The following COL5A2 variants were observed in gnomAD, a reference collection of about 807,000 sequenced individuals.
COL5A2 encodes the protein collagen alpha-2(V) chain.
In COL5A2, 23 loss-of-function variants were observed where a neutral mutation model predicts 208.2. That is an observed-to-expected ratio of 0.11 (90% CI 0.08 to 0.16). The LOEUF is 0.16. COL5A2 is among the 10% of genes least tolerant of loss of function. The pLI, the probability that COL5A2 is intolerant of heterozygous loss-of-function variation, is 1.00. For synonymous variants in COL5A2, 625 were observed against 628.5 expected, an observed-to-expected ratio of 0.99 and a Z score of 0.08; for missense variants, 1,590 against 1,956.4, an observed-to-expected ratio of 0.81 and a Z score of 3.53.
At chr2:189,248,072 C>T in the COL5A2 span, among the ~76,000 whole-genome samples, 2 of 152,160 alleles carry the variant, frequency 1.3e-5, no homozygotes, top group South Asian at 4.1e-4. Context: ...TTAAGCTACA[C>T]ATTTTAAAAA....
the COL5A2 span, among the ~76,000 whole-genome samples, chr2:189,313,607 G>T: frequency 6.6e-6 from 1 of 152,114 alleles, no homozygotes; most frequent in Non-Finnish European, 1.5e-5. Flanking sequence ...AACCTTAAAT[G>T]TAAATAGGAT....
intron 40 of COL5A2, 67 bp from the exon 41 acceptor site, chr2:189,052,292 G>T (rs566237611): frequency 2.7e-6 from 4 of 1,487,584 alleles, no homozygotes; most frequent in South Asian, 2.3e-5. Context: ...ATTTTCCTGG[G>T]ATTTTTTTTC....
the COL5A2 span, among the ~76,000 whole-genome samples, chr2:189,431,048 C>G: frequency 6.6e-6 from 1 of 152,208 alleles, no homozygotes; most frequent in Non-Finnish European, 1.5e-5. Context: ...GATACCCAGG[C>G]AAACAGGGTC....
rs186207669 is a variant in COL5A2, at chr2:189,134,280, G to A, written c.98-23831C>T. The stretch of plus-strand genomic sequence containing the variant: ...AATATAACCTTTTGGCAATTTGCTA[G>A]ACTCTATTTTTAAAGTACATCATTA... On this transcript the variant is annotated intron_variant, in intron 1 of 53. Transcript: ENST00000374866. Among the ~76,000 whole-genome samples the A allele has an allele frequency of 2.7e-3, 416 of 152,262 alleles. 2 individuals carry two copies. Among genetic ancestry groups the A allele is most frequent in the African/African-American group, 9.3e-3 (388 of 41,566 alleles).
At chr2:189,207,891 T>G (rs1689160814) in intron 1 of COL5A2, among the ~76,000 whole-genome samples, 1 of 152,228 alleles carries the variant, frequency 6.6e-6, no homozygotes, top group Admixed American at 6.5e-5. Flanking sequence ...CTCTTGTTTC[T>G]GATCGCTACT....
At chr2:189,228,986 A>G (rs1248725474), upstream of COL5A2, among the ~76,000 whole-genome samples, 2 of 152,040 alleles carry the variant, frequency 1.3e-5, no homozygotes, top group East Asian at 1.9e-4. Context: ...TATCCCTGGG[A>G]TGCAAGGATG....
chr2:189,395,594 T>A, the COL5A2 span, among the ~76,000 whole-genome samples: 4 of 152,156 alleles, frequency 2.6e-5, no homozygotes, highest in East Asian at 7.7e-4. Context: ...AAATATATTA[T>A]AAAAGCCATT....
chr2:189,342,513 A>ATAATATATATG, the COL5A2 span, among the ~76,000 whole-genome samples: 11 of 148,750 alleles, frequency 7.4e-5, no homozygotes, highest in East Asian at 3.9e-4. Flanking sequence ...ATATATACAT[A>ATAATATATATG]TATATAAACC....
Position 189,092,292 on chromosome 2 carries a change from A to G in COL5A2, c.567+18T>C. On this transcript the variant is annotated intron_variant, in intron 7 of 53. Coordinates refer to ENST00000374866, the MANE Select transcript of COL5A2 (RefSeq NM_000393.5). ...AAACATGACCTGTACGTGACATCAA[A>G]CAATGCACACAACTCACCCTGCTCA... The G allele has an allele frequency of 1.3e-6, 2 of 1,483,944 alleles. No individual in the cohort carries two copies. The highest frequency in any genetic ancestry group is 1.2e-5 in the South Asian group (1 of 85,386). 91.9% of individuals were successfully genotyped at this position (1,483,944 alleles called of 1,614,324 possible).
intron 1 of COL5A2, among the ~76,000 whole-genome samples, chr2:189,146,305 A>T (rs1688039241): frequency 6.6e-6 from 1 of 152,164 alleles, no homozygotes; most frequent in African/African-American, 2.4e-5. Context: ...CTACAGGGAC[A>T]CTATTTAAGC....
At chr2:189,345,903 A>C in the COL5A2 span, among the ~76,000 whole-genome samples, 1 of 152,192 alleles carries the variant, frequency 6.6e-6, no homozygotes, top group Non-Finnish European at 1.5e-5. Flanking sequence ...ATTACATTAC[A>C]TTACTCCATA....
rs1329742266 is a variant in COL5A2, at chr2:189,039,142, C to T, written c.3925+130G>A. The T allele has an allele frequency of 6.9e-6, 8 of 1,164,410 alleles. No homozygotes were observed. In the Admixed American group the frequency reaches 1.2e-4, roughly 18 times the overall value. The allele number at this position is 1,164,410 out of a possible 1,614,324, so 72.1% of individuals were successfully genotyped here. On this transcript the variant is annotated intron_variant, in intron 51 of 53. Transcript: ENST00000374866. ...GTTTCCACCATTAAATTATAAGCTCCATGATATGTTTACTATTTTTATCTC... is the reference window on the plus strand; with the variant it reads ...GTTTCCACCATTAAATTATAAGCTCTATGATATGTTTACTATTTTTATCTC...
At chr2:189,293,854 G>A in the COL5A2 span, among the ~76,000 whole-genome samples, 139 of 152,290 alleles carry the variant, frequency 9.1e-4, 1 homozygote, top group African/African-American at 3.2e-3. Context: ...GGGAGGCCAA[G>A]GCGGGCACAT....
chr2:189,434,562 C>A, the COL5A2 span, among the ~76,000 whole-genome samples: 37 of 152,182 alleles, frequency 2.4e-4, no homozygotes, highest in Admixed American at 3.9e-4. Context: ...ATCATGAGTG[C>A]ACTCCCATTC....
chr2:189,161,477 T>C (rs888411639), intron 1 of COL5A2, among the ~76,000 whole-genome samples: 2 of 152,212 alleles, frequency 1.3e-5, no homozygotes, highest in South Asian at 2.1e-4. Context: ...CATATTTTTA[T>C]AAGGCTTTGG....
At chr2:189,034,518 C>T (rs1371680650) in intron 53 of COL5A2, among the ~76,000 whole-genome samples, 4 of 152,024 alleles carry the variant, frequency 2.6e-5, no homozygotes, top group Admixed American at 6.6e-5. Flanking sequence ...GTATTATTTT[C>T]GTTTTATATC....
chr2:189,246,207 T>C, the COL5A2 span, among the ~76,000 whole-genome samples: 1 of 152,124 alleles, frequency 6.6e-6, no homozygotes, highest in Non-Finnish European at 1.5e-5. Context: ...AGAATTACAA[T>C]CCAGATTATG....
chr2:189,033,372 T>C lies in COL5A2; in HGVS notation c.*698A>G, dbSNP rs1685375864. The C allele has an allele frequency of 1.3e-5, 2 of 152,724 alleles. No homozygotes were observed. Among genetic ancestry groups the C allele is most frequent in the African/African-American group, 4.8e-5 (2 of 41,434 alleles). The allele number at this position is 152,724 out of a possible 1,614,324, so 9.5% of individuals were successfully genotyped here. A position where few individuals can be genotyped will look rare whatever the true frequency, so the allele number is the denominator to read the frequency against. ...ATTTGAATGAGAAAGATGTCTAAAC[T>C]TATAGTCTTTTACAAAAATTTAAGA... On this transcript the variant is annotated 3_prime_UTR_variant, in exon 54 of 54. Coordinates refer to ENST00000374866, the MANE Select transcript of COL5A2 (RefSeq NM_000393.5).
Position 189,032,735 on chromosome 2 carries a change from T to C in COL5A2, c.*1335A>G, listed in dbSNP as rs1217960552. On this transcript the variant is annotated 3_prime_UTR_variant, in exon 54 of 54. Transcript: ENST00000374866. The stretch of plus-strand genomic sequence containing the variant: ...TGCAAGTATTACAAAGCATTCCAGA[T>C]ACAGTATGACAGAGGAACAGTGAAC... The C allele has an allele frequency of 2.0e-5, 3 of 152,572 alleles. No individual in the cohort carries two copies. Among genetic ancestry groups the C allele is most frequent in the African/African-American group, 7.2e-5 (3 of 41,452 alleles). 9.5% of individuals were successfully genotyped at this position (152,572 alleles called of 1,614,324 possible). A position where few individuals can be genotyped will look rare whatever the true frequency, so the allele number is the denominator to read the frequency against.
Sources: gnomAD v4.1 joint callset for allele counts (sites outside exome capture counted in the v4.1 genomes callset) on GRCh38, gnomAD v4.1.1 for gene constraint, MANE v1.5 for transcripts, NCBI Gene and HGNC (gene_info 2026-07-23, HGNC 2026-07-21) for gene names.